NCAM1: variants seen among roughly 807,000 people sequenced by gnomAD.
The protein encoded by NCAM1 is neural cell adhesion molecule 1.
Under a neutral mutation model 109.8 loss-of-function variants are expected in NCAM1, and 14 were observed. The observed-to-expected ratio is 0.13, with a 90% CI of 0.08 to 0.20. The LOEUF (loss-of-function observed/expected upper bound fraction) is 0.20. NCAM1 is among the 10% of genes least tolerant of loss of function. The pLI, the probability that NCAM1 is intolerant of heterozygous loss-of-function variation, is 1.00. For missense variants in NCAM1, 774 were observed against 1,109.9 expected, an observed-to-expected ratio of 0.70 and a Z score of 4.30; for synonymous variants, 418 against 442.9, an observed-to-expected ratio of 0.94 and a Z score of 0.70.
At chr11:113,005,434 T>C (rs926050152) in intron 1 of NCAM1, among the ~76,000 whole-genome samples, 7 of 152,198 alleles carry the variant, frequency 4.6e-5, no homozygotes, top group Non-Finnish European at 1.0e-4. Context: ...CTGGAAAAGA[T>C]CTTCCAGTCT....
intron 15 of NCAM1, among the ~76,000 whole-genome samples, chr11:113,250,883 C>T (rs1454828562): frequency 2.0e-5 from 3 of 152,196 alleles, no homozygotes; most frequent in Non-Finnish European, 4.4e-5. Context: ...CTGCAACCTC[C>T]ACCTCCCATG....
intron 14 of NCAM1, among the ~76,000 whole-genome samples, chr11:113,237,505 G>A (rs1555118489): frequency 6.6e-6 from 1 of 152,242 alleles, no homozygotes; most frequent in African/African-American, 2.4e-5. Context: ...AGAGTTGGGG[G>A]ATGGAGCCTT....
chr11:112,973,078 T>A (rs1056597361), intron 1 of NCAM1, among the ~76,000 whole-genome samples: 29 of 152,292 alleles, frequency 1.9e-4, no homozygotes, highest in African/African-American at 7.0e-4. Context: ...TAGATTCAGT[T>A]TTGTCTTCTT....
At chr11:113,139,959 A>G (rs1941753968) in intron 1 of NCAM1, among the ~76,000 whole-genome samples, 1 of 152,242 alleles carries the variant, frequency 6.6e-6, no homozygotes, top group Non-Finnish European at 1.5e-5. Flanking sequence ...GTAACATCTT[A>G]GAGTTAGAAA....
intron 1 of NCAM1, among the ~76,000 whole-genome samples, chr11:113,195,235 G>A (rs1555110616): frequency 6.6e-6 from 1 of 152,142 alleles, no homozygotes; most frequent in African/African-American, 2.4e-5. Context: ...AGCTTAAGCT[G>A]GAACTGTAGG....
At chr11:113,122,404 A>C (rs1445584149) in intron 1 of NCAM1, among the ~76,000 whole-genome samples, 1 of 152,214 alleles carries the variant, frequency 6.6e-6, no homozygotes, top group Non-Finnish European at 1.5e-5. Context: ...TCAAGTGCCT[A>C]AAATGGTGAC....
chr11:113,150,974 C>T (rs1022024496), intron 1 of NCAM1, among the ~76,000 whole-genome samples: 3 of 152,106 alleles, frequency 2.0e-5, no homozygotes, highest in East Asian at 1.9e-4. Flanking sequence ...GTGAAGACCT[C>T]GAATGCCTGG....
chr11:113,010,883 C>T (rs1264279884), intron 1 of NCAM1, among the ~76,000 whole-genome samples: 7 of 151,938 alleles, frequency 4.6e-5, no homozygotes, highest in Admixed American at 3.9e-4. Context: ...ATTCAAGAAG[C>T]GGAGGAGTCA....
chr11:112,961,556 G>GC lies in NCAM1; in HGVS notation c.-57_-56insC, dbSNP rs782768191. The GC allele has an allele frequency of 7.2e-6, 8 of 1,104,126 alleles. No individual in the cohort carries two copies. Among genetic ancestry groups the GC allele is most frequent in the Non-Finnish European group, 7.0e-6 (5 of 716,452 alleles). The allele number at this position is 1,104,126 out of a possible 1,614,324, so 68.4% of individuals were successfully genotyped here. ...CAGCCGCCGTCCACACTCGCTGCAG[G>GC]GGGGGGGGCACAGAATTTACCGCGG... On this transcript the variant is annotated 5_prime_UTR_variant, in exon 1 of 20. Transcript: ENST00000316851.
intron 5 of NCAM1, 125 bp from the exon 6 acceptor site, chr11:113,207,136 T>C (rs1944260941): frequency 1.0e-5 from 7 of 668,570 alleles, no homozygotes; most frequent in Admixed American, 2.7e-5. Context: ...ACACTAACTC[T>C]GTAGCTGCAC....
chr11:113,240,211 C>T (rs1945282356), intron 14 of NCAM1, among the ~76,000 whole-genome samples: 1 of 152,180 alleles, frequency 6.6e-6, no homozygotes, highest in African/African-American at 2.4e-5. Flanking sequence ...GTTGCAGCAT[C>T]ATCTGTATGA....
intron 1 of NCAM1, among the ~76,000 whole-genome samples, chr11:113,144,803 G>A (rs528333299): frequency 1.3e-5 from 2 of 152,176 alleles, no homozygotes; most frequent in African/African-American, 2.4e-5. Context: ...AGGATGAAAC[G>A]AAATCACAAA....
intron 1 of NCAM1, among the ~76,000 whole-genome samples, chr11:113,011,231 C>T (rs1420950559): frequency 4.8e-5 from 7 of 144,600 alleles, no homozygotes; most frequent in Admixed American, 7.0e-5. Context: ...TTTGTTCTTG[C>T]GATAGTTTAC....
chr11:113,021,827 T>C lies in NCAM1; in HGVS notation c.52+60163T>C, dbSNP rs531766761. On this transcript the variant is annotated intron_variant, in intron 1 of 19. Transcript: ENST00000316851. Reference sequence around the variant, plus strand: ...TTTGCTTGGCTAGCCTTTAGGATAATAATGCCATTTACTAGACTTTGCTAA... The same window carrying C: ...TTTGCTTGGCTAGCCTTTAGGATAACAATGCCATTTACTAGACTTTGCTAA... Among the ~76,000 whole-genome samples the C allele has an allele frequency of 3.3e-5, 5 of 152,306 alleles. No individual in the cohort carries two copies. The East Asian group carries it at 7.7e-4, about 23-fold the overall frequency.
At chr11:113,254,977 C>T (rs1555122036) in intron 15 of NCAM1, among the ~76,000 whole-genome samples, 1 of 152,194 alleles carries the variant, frequency 6.6e-6, no homozygotes, top group Non-Finnish European at 1.5e-5. Context: ...GGAGAACCAT[C>T]CTAGCCCTAG....
chr11:113,272,145 C>G (rs1946296728), intron 19 of NCAM1, among the ~76,000 whole-genome samples: 1 of 152,120 alleles, frequency 6.6e-6, no homozygotes, highest in Non-Finnish European at 1.5e-5. Context: ...TCAAGTTATA[C>G]ACATATTCTG....
chr11:113,232,390 G>A, intron 11 of NCAM1, 36 bp downstream of exon 11: 4 of 1,563,698 alleles, frequency 2.6e-6, no homozygotes, highest in Non-Finnish European at 3.5e-6. Context: ...AGCAGAGAAA[G>A]CACAGTTTGA....
At chr11:113,092,547 C>T (rs1939396914) in intron 1 of NCAM1, among the ~76,000 whole-genome samples, 1 of 152,104 alleles carries the variant, frequency 6.6e-6, no homozygotes, top group Non-Finnish European at 1.5e-5. Context: ...AATTGGGATT[C>T]AAATCCCAGC....
chr11:113,025,315 C>T (rs1238516728), intron 1 of NCAM1, among the ~76,000 whole-genome samples: 2 of 152,150 alleles, frequency 1.3e-5, no homozygotes, highest in Non-Finnish European at 2.9e-5. Flanking sequence ...TGAGACATAA[C>T]TGTAGAACAA....
Sources: allele counts gnomAD v4.1 joint callset (sites outside exome capture counted in the v4.1 genomes callset), GRCh38; gene constraint gnomAD v4.1.1; transcripts MANE v1.5; gene names NCBI Gene and HGNC (gene_info 2026-07-23, HGNC 2026-07-21).